PPARG: variants seen among roughly 807,000 people sequenced by gnomAD.
The protein encoded by PPARG is peroxisome proliferator activated receptor gamma.
Under a neutral mutation model 39.2 loss-of-function variants are expected in PPARG, and 17 were observed. The observed-to-expected ratio is 0.43, with a 90% CI of 0.30 to 0.65. PPARG has a LOEUF of 0.65. Among genes scored for constraint, PPARG ranks in the 30% least tolerant of loss-of-function variants. The probability of loss-of-function intolerance (pLI) is 0.13; values close to 1 mark genes in which losing one functional copy is unlikely to be tolerated. For synonymous variants in PPARG, 223 were observed against 215.7 expected, an observed-to-expected ratio of 1.03 and a Z score of -0.30; for missense variants, 406 against 585.9, an observed-to-expected ratio of 0.69 and a Z score of 3.17.
chr3:12,316,449 C>T (rs1028715607), intron 2 of PPARG, among the ~76,000 whole-genome samples: 4 of 151,938 alleles, frequency 2.6e-5, no homozygotes, highest in African/African-American at 2.4e-5. Flanking sequence ...TGGAAAGGAA[C>T]GGGGAGTTAG....
At chr3:12,312,121 G>C (rs1559489282) in intron 1 of PPARG, among the ~76,000 whole-genome samples, 1 of 152,208 alleles carries the variant, frequency 6.6e-6, no homozygotes, top group Non-Finnish European at 1.5e-5. Context: ...GATTCTAATA[G>C]ATGTTTCTTT....
chr3:12,331,223 G>A (rs1312594088), intron 2 of PPARG, among the ~76,000 whole-genome samples: 1 of 152,228 alleles, frequency 6.6e-6, no homozygotes, highest in African/African-American at 2.4e-5. Context: ...GTAAGGGAGA[G>A]AAATGGCAGT....
chr3:12,303,851 G>A (rs188280007), intron 1 of PPARG, among the ~76,000 whole-genome samples: 5 of 152,192 alleles, frequency 3.3e-5, no homozygotes, highest in African/African-American at 1.2e-4. Flanking sequence ...TGTAACTAAG[G>A]TGCCATGATT....
chr3:12,290,192 T>A (rs1320377375), intron 1 of PPARG, among the ~76,000 whole-genome samples: 4 of 152,068 alleles, frequency 2.6e-5, no homozygotes, highest in Admixed American at 6.6e-5. Flanking sequence ...TGGTTTTTTT[T>A]AAAATCAAAA....
intron 2 of PPARG, among the ~76,000 whole-genome samples, chr3:12,349,886 T>G (rs1211817070): frequency 6.6e-6 from 1 of 152,192 alleles, no homozygotes. Flanking sequence ...AAGGCCTCAC[T>G]ACCCACTAGA....
chr3:12,426,126 G>A (rs527704216), intron 7 of PPARG, among the ~76,000 whole-genome samples: 1 of 152,266 alleles, frequency 6.6e-6, no homozygotes, highest in East Asian at 1.9e-4. Flanking sequence ...GAAAACATTG[G>A]CTGGTTTGAT....
chr3:12,381,086 T>G (rs773196066), intron 3 of PPARG, among the ~76,000 whole-genome samples: 2 of 152,206 alleles, frequency 1.3e-5, no homozygotes, highest in Non-Finnish European at 2.9e-5. Context: ...AACCACAGAC[T>G]TAATTCTCAT....
intron 7 of PPARG, among the ~76,000 whole-genome samples, chr3:12,426,077 C>T (rs1004296410): frequency 6.6e-5 from 10 of 152,102 alleles, no homozygotes; most frequent in Non-Finnish European, 1.2e-4. Context: ...TGAGATGAGG[C>T]AAGTTGAGAT....
At chr3:12,399,704 GGAAA>G (rs1223851004) in intron 5 of PPARG, among the ~76,000 whole-genome samples, 26 of 151,006 alleles carry the variant, frequency 1.7e-4, no homozygotes, top group African/African-American at 5.6e-4. Context: ...AAAGAAGGAA[GGAAA>G]GAAAGAGAGG....
chr3:12,356,535 C>T (rs949546953), intron 2 of PPARG, among the ~76,000 whole-genome samples: 9 of 152,222 alleles, frequency 5.9e-5, no homozygotes, highest in African/African-American at 1.7e-4. Context: ...CTCATCACCT[C>T]ATGCCAGGTT....
At chr3:12,312,966 G>A (rs551808533) in intron 2 of PPARG, among the ~76,000 whole-genome samples, 4 of 152,112 alleles carry the variant, frequency 2.6e-5, no homozygotes, top group African/African-American at 4.8e-5. Flanking sequence ...TGACTAGATG[G>A]GGGTAGGATT....
intron 7 of PPARG, among the ~76,000 whole-genome samples, chr3:12,425,689 A>T (rs1264466745): frequency 6.6e-6 from 1 of 152,126 alleles, no homozygotes. Flanking sequence ...AAGGAGCAGA[A>T]ATGTACGTAC....
intron 2 of PPARG, among the ~76,000 whole-genome samples, chr3:12,321,354 T>C (rs553526373): frequency 6.6e-6 from 1 of 152,324 alleles, no homozygotes; most frequent in African/African-American, 2.4e-5. Flanking sequence ...CATCAGACTT[T>C]GGAATAAAAG....
chr3:12,306,978 G>A (rs1190215965), intron 1 of PPARG, among the ~76,000 whole-genome samples: 1 of 151,482 alleles, frequency 6.6e-6, no homozygotes, highest in East Asian at 1.9e-4. Flanking sequence ...GGCGCCTGTA[G>A]TCCCAGCCAT....
intron 2 of PPARG, among the ~76,000 whole-genome samples, chr3:12,350,526 G>T (rs1036586597): frequency 6.6e-6 from 1 of 152,104 alleles, no homozygotes; most frequent in Non-Finnish European, 1.5e-5. Flanking sequence ...TTGAAAGTCC[G>T]CAAAGTCACT....
intron 2 of PPARG, among the ~76,000 whole-genome samples, chr3:12,353,761 TC>T (rs2048567802): frequency 6.6e-6 from 1 of 152,178 alleles, no homozygotes; most frequent in Non-Finnish European, 1.5e-5. Context: ...TTTATATTAT[TC>T]CCCTTTCTCT....
chr3:12,407,118 T>C (rs2050699179), intron 6 of PPARG, among the ~76,000 whole-genome samples: 1 of 152,186 alleles, frequency 6.6e-6, no homozygotes, highest in Admixed American at 6.5e-5. Context: ...TGCCATCAGC[T>C]TGGATGACCT....
intron 5 of PPARG, among the ~76,000 whole-genome samples, chr3:12,398,811 G>A (rs529426920): frequency 1.3e-5 from 2 of 152,362 alleles, no homozygotes; most frequent in South Asian, 2.1e-4. Flanking sequence ...CGAGAGAAAA[G>A]CATTCAGGAT....
At chr3:12,331,646 AAG>A (rs2047863311) in intron 2 of PPARG, among the ~76,000 whole-genome samples, 2 of 152,212 alleles carry the variant, frequency 1.3e-5, no homozygotes, top group African/African-American at 4.8e-5. Context: ...CATATGGAAG[AAG>A]AGAGTGTCTT....
Sources: allele counts gnomAD v4.1 joint callset (sites outside exome capture counted in the v4.1 genomes callset), GRCh38; gene constraint gnomAD v4.1.1; transcripts MANE v1.5; gene names NCBI Gene and HGNC (gene_info 2026-07-23, HGNC 2026-07-21).